Variants in FYN observed in about 807,000 individuals in gnomAD.
FYN encodes FYN proto-oncogene, Src family tyrosine kinase, also known as tyrosine-protein kinase Fyn.
A neutral mutation model predicts 70.2 loss-of-function variants in FYN; 10 were observed. The ratio of observed to expected loss-of-function variants is 0.14; its 90% CI spans 0.09 to 0.24. FYN has a LOEUF of 0.24. FYN is among the 10% of genes least tolerant of loss of function. The pLI is 1.00. For synonymous variants in FYN, 236 were observed against 248.6 expected (o/e 0.95, Z 0.48); for missense variants, 319 against 673.1 (o/e 0.47, Z 5.82).
intron 3 of FYN, among the ~76,000 whole-genome samples, chr6:111,777,587 T>C (rs1771001734): frequency 6.6e-6 from 1 of 152,098 alleles, no homozygotes; most frequent in Non-Finnish European, 1.5e-5. Flanking sequence ...CTCCCCTAAC[T>C]GTGACAACCC....
intron 2 of FYN, among the ~76,000 whole-genome samples, chr6:111,827,177 T>C (rs1772862896): frequency 1.3e-5 from 2 of 152,174 alleles, no homozygotes; most frequent in African/African-American, 4.8e-5. Flanking sequence ...TAAAGTCTCA[T>C]AATAATAATA....
intron 13 of FYN, among the ~76,000 whole-genome samples, chr6:111,671,048 G>A (rs961193844): frequency 2.0e-5 from 3 of 152,184 alleles, no homozygotes; most frequent in African/African-American, 2.4e-5. Flanking sequence ...GGCTGCTAGC[G>A]GGGAACTGAT....
intron 2 of FYN, among the ~76,000 whole-genome samples, chr6:111,829,272 G>A (rs546769965): frequency 5.1e-4 from 77 of 152,240 alleles, no homozygotes; most frequent in Non-Finnish European, 1.0e-3. Flanking sequence ...TCATCAGCAG[G>A]GTGGTCTTGA....
At chr6:111,696,134 C>T (rs1482782691) in intron 10 of FYN, 143 bp downstream of exon 10, 23 of 642,500 alleles carry the variant, frequency 3.6e-5, no homozygotes, top group African/African-American at 5.6e-5. Context: ...TTTTCATTAA[C>T]GAGCACATAA....
intron 2 of FYN, among the ~76,000 whole-genome samples, chr6:111,812,609 T>G (rs1271031664): frequency 7.7e-6 from 1 of 129,434 alleles, no homozygotes; most frequent in African/African-American, 3.6e-5. Flanking sequence ...TTTTCCTTTT[T>G]TTTTTTTTTT....
chr6:111,790,907 T>C (rs956986442), intron 2 of FYN, among the ~76,000 whole-genome samples: 1 of 152,190 alleles, frequency 6.6e-6, no homozygotes, highest in Non-Finnish European at 1.5e-5. Flanking sequence ...TGAGAGAAAT[T>C]ACAGAAGACC....
chr6:111,724,480 A>T (rs116204846), intron 3 of FYN, among the ~76,000 whole-genome samples: 1 of 152,294 alleles, frequency 6.6e-6, no homozygotes, highest in South Asian at 2.1e-4. Flanking sequence ...GTCATGTGCC[A>T]ATCAATAAAG....
chr6:111,768,228 C>G (rs1803309745), intron 3 of FYN, among the ~76,000 whole-genome samples: 1 of 152,172 alleles, frequency 6.6e-6, no homozygotes, highest in Admixed American at 6.5e-5. Flanking sequence ...ATTAAACAAA[C>G]TCCTTCGAGG....
At chr6:111,670,751 A>G (rs1798228479) in intron 13 of FYN, among the ~76,000 whole-genome samples, 1 of 140,230 alleles carries the variant, frequency 7.1e-6, no homozygotes, top group Admixed American at 7.0e-5. Context: ...TGTTGGCAAC[A>G]ATGATAGAAT....
At chr6:111,678,894 G>A (rs570065537) in intron 12 of FYN, among the ~76,000 whole-genome samples, 5 of 152,184 alleles carry the variant, frequency 3.3e-5, no homozygotes, top group African/African-American at 7.2e-5. Flanking sequence ...GTCCCTGCCC[G>A]TGTCAGGTCC....
intron 2 of FYN, among the ~76,000 whole-genome samples, chr6:111,782,411 A>G (rs1771209208): frequency 6.6e-6 from 1 of 152,152 alleles, no homozygotes; most frequent in Non-Finnish European, 1.5e-5. Flanking sequence ...AATCATTAAT[A>G]TTATCTCATT....
chr6:111,869,286 G>C (rs555367920), intron 1 of FYN, among the ~76,000 whole-genome samples: 54 of 152,394 alleles, frequency 3.5e-4, no homozygotes, highest in African/African-American at 1.3e-3. Context: ...CTGGCTGGCT[G>C]AGCCTCCTGC....
chr6:111,663,431 G>C (rs1420320736), intron 13 of FYN, among the ~76,000 whole-genome samples: 1 of 152,192 alleles, frequency 6.6e-6, no homozygotes, highest in South Asian at 2.1e-4. Flanking sequence ...CTCGGACTTC[G>C]GGGTCTGTTG....
chr6:111,705,584 C>T (rs1367093936), intron 6 of FYN, among the ~76,000 whole-genome samples: 1 of 152,080 alleles, frequency 6.6e-6, no homozygotes, highest in Admixed American at 6.6e-5. Context: ...AGTGGTGGCT[C>T]ATGATTGTAA....
intron 2 of FYN, among the ~76,000 whole-genome samples, chr6:111,828,458 C>T (rs769062256): frequency 3.3e-5 from 5 of 152,248 alleles, no homozygotes; most frequent in Non-Finnish European, 5.9e-5. Context: ...TTTGTACGTC[C>T]ATGTTCATAG....
At chr6:111,766,582 A>C (rs1165688288) in intron 3 of FYN, among the ~76,000 whole-genome samples, 1 of 152,208 alleles carries the variant, frequency 6.6e-6, no homozygotes, top group East Asian at 1.9e-4. Context: ...ACAGAGGTTA[A>C]ATTGACTCAC....
intron 13 of FYN, 108 bp downstream of exon 13, chr6:111,674,391 G>A (rs943887188): frequency 5.6e-6 from 7 of 1,261,232 alleles, no homozygotes; most frequent in Non-Finnish European, 7.7e-6. Flanking sequence ...CTCAAGCTCA[G>A]CAGAAAGCTG....
rs75908315 is a variant in FYN, at chr6:111,735,154, G to A, written c.-11-15092C>T. On this transcript the variant is annotated intron_variant, in intron 3 of 13. Coordinates refer to ENST00000354650, the MANE Select transcript of FYN (RefSeq NM_002037.5). ...CTCAAAGAACCGTAAGTGTTCTTAC[G>A]GCTTATTTGATTTATGGCCATATTT... Among the ~76,000 whole-genome samples the A allele has an allele frequency of 9.6e-3, 1,467 of 152,286 alleles. 14 individuals are homozygous for A. Among genetic ancestry groups the A allele is most frequent in the South Asian group, 0.032 (153 of 4,820 alleles).
intron 2 of FYN, among the ~76,000 whole-genome samples, chr6:111,834,279 T>G (rs1773110826): frequency 6.6e-6 from 1 of 152,062 alleles, no homozygotes; most frequent in Admixed American, 6.5e-5. Flanking sequence ...GATTGTTTAT[T>G]TCTCTCTCAC....
Sources: gnomAD v4.1 joint callset for allele counts (sites outside exome capture counted in the v4.1 genomes callset) on GRCh38, gnomAD v4.1.1 for gene constraint, MANE v1.5 for transcripts, NCBI Gene and HGNC (gene_info 2026-07-23, HGNC 2026-07-21) for gene names.